Variants in GRM7 observed in about 807,000 individuals in gnomAD.
GRM7 encodes the protein metabotropic glutamate receptor 7.
A neutral mutation model predicts 84.5 loss-of-function variants in GRM7; 35 were observed. The observed-to-expected ratio is 0.41, with a 90% CI of 0.32 to 0.55. GRM7 has a LOEUF of 0.55. Among genes scored for constraint, GRM7 ranks in the 20% least tolerant of loss-of-function variants. GRM7 has a pLI of 0.19. For synonymous variants in GRM7, 487 were observed against 455.1 expected (o/e 1.07, Z -0.89); for missense variants, 1,003 against 1,194.6 (o/e 0.84, Z 2.36).
At chr3:6,936,246 G>A (rs754543250) in intron 1 of GRM7, among the ~76,000 whole-genome samples, 4 of 152,166 alleles carry the variant, frequency 2.6e-5, no homozygotes, top group Non-Finnish European at 5.9e-5. Flanking sequence ...GCAGCCAGCA[G>A]CTTCTCACAG....
intron 1 of GRM7, among the ~76,000 whole-genome samples, chr3:7,130,606 A>C (rs941562462): frequency 1.3e-5 from 2 of 151,264 alleles, no homozygotes; most frequent in African/African-American, 2.4e-5. Flanking sequence ...TAGTAGCTCT[A>C]TCTCAAAATC....
At chr3:7,117,225 T>C (rs1440943653) in intron 1 of GRM7, among the ~76,000 whole-genome samples, 5 of 152,274 alleles carry the variant, frequency 3.3e-5, no homozygotes, top group African/African-American at 1.2e-4. Flanking sequence ...GTCCTGGCAC[T>C]AAGATTCCCA....
intron 1 of GRM7, among the ~76,000 whole-genome samples, chr3:6,986,130 T>G (rs555524380): frequency 6.6e-6 from 1 of 152,160 alleles, no homozygotes; most frequent in Non-Finnish European, 1.5e-5. Flanking sequence ...TAGTAGCTAT[T>G]CTTAGTAACA....
intron 2 of GRM7, among the ~76,000 whole-genome samples, chr3:7,251,534 A>G (rs1697987574): frequency 6.6e-6 from 1 of 152,200 alleles, no homozygotes; most frequent in South Asian, 2.1e-4. Context: ...TCACTATAAT[A>G]GCATAGGTAG....
intron 9 of GRM7, among the ~76,000 whole-genome samples, chr3:7,733,669 G>T (rs1044517155): frequency 6.6e-6 from 1 of 152,136 alleles, no homozygotes; most frequent in Non-Finnish European, 1.5e-5. Context: ...AGATGGAGTT[G>T]CCCTGGTTCA....
chr3:7,547,449 G>T (rs556155524), intron 7 of GRM7, among the ~76,000 whole-genome samples: 1 of 152,032 alleles, frequency 6.6e-6, no homozygotes, highest in Admixed American at 6.5e-5. Flanking sequence ...CTCGTGATCT[G>T]CCCGCCTCGG....
At chr3:7,385,364 G>C (rs940763691) in intron 4 of GRM7, among the ~76,000 whole-genome samples, 1 of 130,922 alleles carries the variant, frequency 7.6e-6, no homozygotes, top group Admixed American at 9.1e-5. Flanking sequence ...GCAGTGGCGT[G>C]ATCTTGGCTC....
In GRM7 at chr3:7,741,004, TG is replaced by T. The variant is rs1702677908; in HGVS notation, c.*599del. 1 of 143,542 alleles carries T rather than the reference TG, an allele frequency of 7.0e-6. No individual in the cohort carries two copies. The highest frequency in any genetic ancestry group is 6.8e-5 in the Admixed American group (1 of 14,774). 8.9% of individuals were successfully genotyped at this position (143,542 alleles called of 1,614,324 possible). A position where few individuals can be genotyped will look rare whatever the true frequency, so the allele number is the denominator to read the frequency against. On this transcript the variant is annotated 3_prime_UTR_variant, in exon 10 of 10. Transcript: ENST00000357716. ...ACGATTATAGTACCACTGCACATCA[TG>T]TTTTTTTTTTTAAGACAAAAAAGAT...
intron 7 of GRM7, among the ~76,000 whole-genome samples, chr3:7,525,963 A>G (rs1411643716): frequency 3.3e-5 from 5 of 152,012 alleles, no homozygotes; most frequent in Admixed American, 3.3e-4. Context: ...ATCCACCACC[A>G]ATGGGCATCA....
chr3:7,405,129 A>G (rs1012436451), intron 4 of GRM7, among the ~76,000 whole-genome samples: 4 of 152,174 alleles, frequency 2.6e-5, no homozygotes, highest in African/African-American at 9.6e-5. Flanking sequence ...AGATTTTGTT[A>G]CTATTAATTA....
At chr3:6,920,148 C>A (rs1034693219) in intron 1 of GRM7, among the ~76,000 whole-genome samples, 18 of 152,234 alleles carry the variant, frequency 1.2e-4, no homozygotes, top group African/African-American at 3.9e-4. Context: ...TCATTTATTT[C>A]ACCTTAAATG....
At chr3:7,402,796 G>A (rs712769) in intron 4 of GRM7, among the ~76,000 whole-genome samples, 119,989 of 149,722 alleles carry the variant, frequency 0.8, 48,335 homozygotes, top group Non-Finnish European at 0.85. Flanking sequence ...TTCTTTGAGT[G>A]TTGTTTTCCT....
intron 8 of GRM7, among the ~76,000 whole-genome samples, chr3:7,656,582 G>A (rs1699209639): frequency 7.9e-6 from 1 of 126,516 alleles, no homozygotes; most frequent in Admixed American, 7.8e-5. Flanking sequence ...CACACAAAGT[G>A]TGCTGTGGCA....
At chr3:7,729,567 G>T (rs1038606158) in intron 9 of GRM7, among the ~76,000 whole-genome samples, 2 of 152,118 alleles carry the variant, frequency 1.3e-5, no homozygotes, top group Admixed American at 1.3e-4. Flanking sequence ...ACAAAATAAG[G>T]TTATGTTGTG....
chr3:7,715,712 G>T (rs537143747), intron 9 of GRM7, among the ~76,000 whole-genome samples: 2 of 151,992 alleles, frequency 1.3e-5, no homozygotes, highest in Admixed American at 1.3e-4. Context: ...CACAGAACAG[G>T]GATTCAGACC....
intron 1 of GRM7, among the ~76,000 whole-genome samples, chr3:7,110,238 C>T (rs559544662): frequency 3.9e-5 from 6 of 152,114 alleles, no homozygotes; most frequent in African/African-American, 1.2e-4. Context: ...TGCCAGATGT[C>T]CAACCCAATC....
At chr3:7,027,848 A>G (rs569961792) in intron 1 of GRM7, among the ~76,000 whole-genome samples, 2 of 151,510 alleles carry the variant, frequency 1.3e-5, no homozygotes, top group African/African-American at 2.4e-5. Context: ...TTTCTTAGAC[A>G]TTTGTTTTCC....
At chr3:7,610,347 C>T (rs1161189403) in intron 8 of GRM7, among the ~76,000 whole-genome samples, 2 of 152,196 alleles carry the variant, frequency 1.3e-5, no homozygotes, top group South Asian at 4.1e-4. Flanking sequence ...GATGTGACAG[C>T]TCATTACCAG....
intron 1 of GRM7, among the ~76,000 whole-genome samples, chr3:7,112,424 C>G (rs549441199): frequency 6.6e-6 from 1 of 152,038 alleles, no homozygotes; most frequent in Admixed American, 6.6e-5. Flanking sequence ...TGGGGTTTCA[C>G]CATGTTAGCC....
Sources: gnomAD v4.1 joint callset for allele counts (sites outside exome capture counted in the v4.1 genomes callset) on GRCh38, gnomAD v4.1.1 for gene constraint, MANE v1.5 for transcripts, NCBI Gene and HGNC (gene_info 2026-07-23, HGNC 2026-07-21) for gene names.